Variants in MTRR observed in about 807,000 individuals in gnomAD.
MTRR encodes the protein methionine synthase reductase.
MTRR carries 63 observed loss-of-function variants against 79.2 expected under a neutral mutation model. The observed-to-expected ratio is 0.80, with a 90% confidence interval of 0.65 to 0.98. The LOEUF is 0.98. Ranked by LOEUF, MTRR falls within the 50% of genes least tolerant of loss-of-function variation. MTRR has a pLI of 0.00. For missense variants in MTRR, 895 were observed against 839.6 expected (o/e 1.07, Z -0.82); for synonymous variants, 355 against 313.3 (o/e 1.13, Z -1.41).
chr5:7,875,570 A>G (rs373110262), intron 4 of MTRR, among the ~76,000 whole-genome samples, 195 bp downstream of exon 4: 5 of 152,360 alleles, frequency 3.3e-5, no homozygotes, highest in East Asian at 1.9e-4. Flanking sequence ...TTTTGTGTCC[A>G]TCTCATCCTT....
chr5:7,869,260 C>G, intron 1 of MTRR, 45 bp downstream of exon 1: 1 of 1,597,036 alleles, frequency 6.3e-7, no homozygotes, highest in Non-Finnish European at 8.5e-7. Context: ...GGCCGCTCGC[C>G]CTGCACTAAT....
At chr5:7,884,185 G>T (rs1359407939) in intron 6 of MTRR, among the ~76,000 whole-genome samples, 2 of 152,110 alleles carry the variant, frequency 1.3e-5, no homozygotes, top group Non-Finnish European at 2.9e-5. Context: ...AAAAAGAAAA[G>T]AAATAGAACC....
intron 6 of MTRR, among the ~76,000 whole-genome samples, chr5:7,884,762 C>A (rs1386168475): frequency 6.6e-6 from 1 of 152,070 alleles, no homozygotes; most frequent in Non-Finnish European, 1.5e-5. Flanking sequence ...TCTTCAAAGT[C>A]ATTTAGCTCA....
chr5:7,899,456 A>G (rs1397900169), intron 14 of MTRR, among the ~76,000 whole-genome samples: 1 of 152,254 alleles, frequency 6.6e-6, no homozygotes, highest in Non-Finnish European at 1.5e-5. Flanking sequence ...CCTGGCACAT[A>G]GTAAGTCCTC....
At position 7,892,753 on chromosome 5, in the gene MTRR, T is replaced by C. The variant is rs1737823144; in HGVS notation, c.1397T>C (p.Leu466Pro). 6.2e-7 allele frequency: 1 copy of C among 1,614,224 alleles called. No homozygotes were observed. The highest frequency in any genetic ancestry group is 8.5e-7 in the Non-Finnish European group (1 of 1,180,034). ...TCAAGTTTATTTCACCCAGGAAAGC[T>C]CCATTTTGTCTTCAACATTGTGGAA... ...ASSSLFHPGKLHFVFNIVEFL... is the reference protein window; with the variant it reads ...ASSSLFHPGKPHFVFNIVEFL... Residue 466 changes from leucine to proline, a missense_variant, in exon 11 of 15, where the codon CTC becomes CCC. Transcript: ENST00000440940.
intron 6 of MTRR, chr5:7,885,295 C>A: frequency 1.0e-5 from 2 of 190,592 alleles, no homozygotes; most frequent in Admixed American, 5.5e-5. Flanking sequence ...TGCATTTGAC[C>A]ATAATTAGTT....
chr5:7,887,815 T>C (rs1208258550), intron 8 of MTRR, among the ~76,000 whole-genome samples: 10 of 39,418 alleles, frequency 2.5e-4, no homozygotes, highest in Non-Finnish European at 3.6e-4. Context: ...TATATATATA[T>C]ATATATATAT....
intron 3 of MTRR, 134 bp from the exon 4 acceptor site, chr5:7,875,124 A>G: frequency 1.4e-6 from 1 of 721,038 alleles, no homozygotes; most frequent in Non-Finnish European, 2.5e-6. Flanking sequence ...AGGAAAATAA[A>G]ATGTGAAGCT....
Position 7,896,899 on chromosome 5 carries a change from T to C in MTRR, c.1712T>C (p.Phe571Ser). ...CAAGAACAACACCCAGATGGAAATT[T>C]TGGAGCAATGTGGTTGTTTTTTGGC... Reference protein sequence around the residue: ...KLQEQHPDGNFGAMWLFFGCR... With the variant: ...KLQEQHPDGNSGAMWLFFGCR... The change falls in exon 13 of 15, where the codon TTT (phenylalanine) becomes TCT (serine). Residue 571 changes from phenylalanine (F) to serine (S), a missense_variant. Coordinates refer to ENST00000440940, the MANE Select transcript of MTRR (RefSeq NM_002454.3). 2.5e-6 allele frequency: 4 copies of C among 1,614,172 alleles called. No homozygotes were observed. Among genetic ancestry groups the C allele is most frequent in the East Asian group, 2.2e-5 (1 of 44,872 alleles).
In MTRR at chr5:7,870,806, TCTGTTA is replaced by T. The variant is rs779667897; in HGVS notation, c.15_20del (p.Leu6_Leu7del). 14 of 1,614,242 alleles carry T rather than the reference TCTGTTA, an allele frequency of 8.7e-6. No homozygotes were observed. Among genetic ancestry groups the T allele is most frequent in the Non-Finnish European group, 1.2e-5 (14 of 1,180,044 alleles). ...CATGCCTTGAAGTGATGAGGAGGTT[TCTGTTA>T]CTATATGCTACACAGCAGGGACAGG... On this transcript the variant is annotated inframe_deletion, in exon 2 of 15. Transcript: ENST00000440940.
intron 2 of MTRR, chr5:7,872,167 A>T: frequency 4.7e-6 from 2 of 425,600 alleles, no homozygotes; most frequent in Non-Finnish European, 9.3e-6. Flanking sequence ...CACACAACTT[A>T]CATAGAGTCT....
At chr5:7,861,538 C>A (rs767347006) in intron 1 of MTRR, 9 of 1,364,120 alleles carry the variant, frequency 6.6e-6, no homozygotes, top group Admixed American at 2.4e-5. Context: ...TGCTTATTAG[C>A]CTCAACGAGT....
chr5:7,851,139 C>T, upstream of MTRR: 3 of 1,186,074 alleles, frequency 2.5e-6, no homozygotes, highest in Non-Finnish European at 3.2e-6. Flanking sequence ...CGTCTGTGTT[C>T]GGTCGTTGCC....
intron 8 of MTRR, among the ~76,000 whole-genome samples, chr5:7,888,678 A>T (rs1737019802): frequency 6.6e-6 from 1 of 152,240 alleles, no homozygotes; most frequent in African/African-American, 2.4e-5. Context: ...AATTTAAAGT[A>T]GCAGTACCCA....
At chr5:7,869,557 G>A in intron 1 of MTRR, 1 of 297,134 alleles carries the variant, frequency 3.4e-6, no homozygotes, top group South Asian at 3.2e-5. Flanking sequence ...TGGGGAACAT[G>A]CCGGGTTGGG....
At chr5:7,854,554 A>T (rs1290984680) in intron 1 of MTRR, among the ~76,000 whole-genome samples, 1 of 152,160 alleles carries the variant, frequency 6.6e-6, no homozygotes, top group Non-Finnish European at 1.5e-5. Flanking sequence ...GGCACTCCTT[A>T]CATGGTGGCG....
At chr5:7,894,054 T>C (rs998206646) in intron 11 of MTRR, among the ~76,000 whole-genome samples, 3 of 152,216 alleles carry the variant, frequency 2.0e-5, no homozygotes, top group Non-Finnish European at 4.4e-5. Context: ...GTGTCCATCA[T>C]GTATCGTAAA....
At chr5:7,886,086 T>A (rs1247588269) in intron 7 of MTRR, among the ~76,000 whole-genome samples, 2 of 152,220 alleles carry the variant, frequency 1.3e-5, no homozygotes, top group Non-Finnish European at 2.9e-5. Context: ...TATTGGACAT[T>A]TGTGGACATG....
At chr5:7,896,529 T>C (rs1738549138) in intron 12 of MTRR, 1 of 357,292 alleles carries the variant, frequency 2.8e-6, no homozygotes, top group Non-Finnish European at 5.2e-6. Context: ...CCTGAGCCAC[T>C]TTTCCATAGT....
Sources: gnomAD v4.1 joint callset for allele counts (sites outside exome capture counted in the v4.1 genomes callset) on GRCh38, gnomAD v4.1.1 for gene constraint, MANE v1.5 for transcripts, NCBI Gene and HGNC (gene_info 2026-07-23, HGNC 2026-07-21) for gene names.